The following PACRG variants were observed in gnomAD, a reference collection of about 807,000 sequenced individuals.
The protein encoded by PACRG is parkin coregulated, also known as parkin coregulated gene protein.
Under a neutral mutation model 29.7 loss-of-function variants are expected in PACRG, and 29 were observed. The ratio of observed to expected loss-of-function variants is 0.98; its 90% CI spans 0.73 to 1.33. The LOEUF is 1.33. Among genes scored for constraint, PACRG ranks in the 40% most tolerant of loss-of-function variants. The pLI is 0.00. For missense variants in PACRG, 279 were observed against 316.2 expected, an observed-to-expected ratio of 0.88 and a Z score of 0.89; for synonymous variants, 116 against 118.7, an observed-to-expected ratio of 0.98 and a Z score of 0.15.
At chr6:163,064,447 G>A (rs1176962130) in intron 3 of PACRG, among the ~76,000 whole-genome samples, 4 of 152,164 alleles carry the variant, frequency 2.6e-5, no homozygotes, top group Admixed American at 6.5e-5. Context: ...ATGATTTAGG[G>A]TTCCGGAAGC....
chr6:162,974,272 C>A (rs952100167), intron 2 of PACRG, among the ~76,000 whole-genome samples: 1 of 152,108 alleles, frequency 6.6e-6, no homozygotes, highest in Non-Finnish European at 1.5e-5. Context: ...TAATAGCAAG[C>A]CATTTTCATT....
chr6:163,239,550 T>C (rs1483011744), intron 4 of PACRG, among the ~76,000 whole-genome samples: 1 of 151,928 alleles, frequency 6.6e-6, no homozygotes. Context: ...CTGCTACAAC[T>C]CAATCTCTCC....
chr6:162,864,827 T>C (rs1336388770), intron 2 of PACRG, among the ~76,000 whole-genome samples: 1 of 152,218 alleles, frequency 6.6e-6, no homozygotes, highest in East Asian at 1.9e-4. Context: ...ACTGACTACA[T>C]GTACTAGACG....
At chr6:162,920,933 A>C in intron 2 of PACRG, among the ~76,000 whole-genome samples, 1 of 152,256 alleles carries the variant, frequency 6.6e-6, no homozygotes, top group Non-Finnish European at 1.5e-5. Flanking sequence ...TTCATATTAT[A>C]TCTGCCTAAG....
At position 163,309,234 on chromosome 6, in the gene PACRG, A is replaced by G. The variant is rs73784594; in HGVS notation, c.614-5593A>G. Among the ~76,000 whole-genome samples the G allele has an allele frequency of 9.4e-3, 1,428 of 152,356 alleles. 22 individuals are homozygous for G. Among genetic ancestry groups the G allele is most frequent in the African/African-American group, 0.032 (1,329 of 41,592 alleles). ...GCAAATGCTCCACATGCCAACGGCC[A>G]GAGCACAGCCCTAGACCGATGGCGG... On this transcript the variant is annotated intron_variant, in intron 4 of 4. Transcript: ENST00000366888.
chr6:162,791,784 T>C (rs1222649629), intron 1 of PACRG, among the ~76,000 whole-genome samples: 4 of 152,114 alleles, frequency 2.6e-5, no homozygotes, highest in African/African-American at 9.7e-5. Context: ...GAAGGTAATG[T>C]GTAGTTTTAA....
At chr6:162,864,128 TA>T (rs1213958778) in intron 2 of PACRG, among the ~76,000 whole-genome samples, 2 of 152,194 alleles carry the variant, frequency 1.3e-5, no homozygotes, top group Non-Finnish European at 2.9e-5. Flanking sequence ...ATTATCTTTT[TA>T]AGCTCTTCCT....
At chr6:162,792,491 C>T (rs1436873869) in intron 1 of PACRG, among the ~76,000 whole-genome samples, 1 of 152,096 alleles carries the variant, frequency 6.6e-6, no homozygotes, top group African/African-American at 2.4e-5. Context: ...ACCTGGCTGG[C>T]CAGGATGCAG....
chr6:163,147,842 C>T (rs1777863399), intron 4 of PACRG, among the ~76,000 whole-genome samples: 1 of 152,142 alleles, frequency 6.6e-6, no homozygotes, highest in South Asian at 2.1e-4. Context: ...AGATGCTACC[C>T]CCTTAGCAAT....
chr6:163,243,342 T>G (rs1234104270), intron 4 of PACRG, among the ~76,000 whole-genome samples: 1 of 152,206 alleles, frequency 6.6e-6, no homozygotes, highest in Non-Finnish European at 1.5e-5. Flanking sequence ...AGTTATGCCT[T>G]CAGTAGAAAT....
At chr6:163,225,703 T>G (rs760043820) in intron 4 of PACRG, among the ~76,000 whole-genome samples, 1 of 152,230 alleles carries the variant, frequency 6.6e-6, no homozygotes, top group Non-Finnish European at 1.5e-5. Flanking sequence ...CAATCCCACT[T>G]CTGGGTATAT....
At chr6:163,100,925 A>G in intron 4 of PACRG, 1 of 984,996 alleles carries the variant, frequency 1.0e-6, no homozygotes. Context: ...TAATGTTCCA[A>G]GTAATAAAGA....
chr6:163,165,062 A>G (rs1778734916), intron 4 of PACRG, among the ~76,000 whole-genome samples: 1 of 152,222 alleles, frequency 6.6e-6, no homozygotes, highest in African/African-American at 2.4e-5. Flanking sequence ...GGTTTAAAAA[A>G]AAATACTAAC....
chr6:162,729,091 G>T (rs1337749024), intron 1 of PACRG, among the ~76,000 whole-genome samples: 1 of 152,010 alleles, frequency 6.6e-6, no homozygotes, highest in African/African-American at 2.4e-5. Context: ...TATCATTAGA[G>T]AAAAAAGATT....
Position 162,777,493 on chromosome 6 carries a change from T to G in PACRG, c.157-36654T>G, listed in dbSNP as rs1428011486. Among the ~76,000 whole-genome samples the G allele has an allele frequency of 6.6e-6, 1 of 152,222 alleles. No homozygotes were observed. The highest frequency in any genetic ancestry group is 1.5e-5 in the Non-Finnish European group (1 of 68,036). ...GACCAGGCCATGCTACCCTGTCCTT[T>G]CAGGGCTTACAGAGACTTTGGTGAG... On this transcript the variant is annotated intron_variant, in intron 1 of 4. Coordinates refer to ENST00000366888, the MANE Select transcript of PACRG (RefSeq NM_001080379.2). The surrounding 1 kb of genome is among the most constrained non-coding windows in gnomAD (Gnocchi z 4.0).
chr6:162,970,557 C>T (rs1801444165), intron 2 of PACRG, among the ~76,000 whole-genome samples: 3 of 152,174 alleles, frequency 2.0e-5, no homozygotes, highest in Admixed American at 2.0e-4. Context: ...CCACTTTCAC[C>T]CTTCCTCACC....
intron 2 of PACRG, among the ~76,000 whole-genome samples, chr6:163,030,891 C>G (rs537163797): frequency 6.6e-6 from 1 of 152,294 alleles, no homozygotes; most frequent in South Asian, 2.1e-4. Context: ...TTTACTGCAA[C>G]CTGTTTTATC....
intron 2 of PACRG, among the ~76,000 whole-genome samples, chr6:162,969,409 A>G (rs190102579): frequency 6.6e-6 from 1 of 151,524 alleles, no homozygotes; most frequent in African/African-American, 2.4e-5. Context: ...GTCCATTGCT[A>G]CCCCATCATC....
intron 2 of PACRG, among the ~76,000 whole-genome samples, chr6:162,940,536 A>C (rs1485501241): frequency 6.6e-6 from 1 of 152,152 alleles, no homozygotes; most frequent in African/African-American, 2.4e-5. Context: ...ATTTGAGTCC[A>C]GAATAAAGCA....
Sources: gnomAD v4.1 joint callset for allele counts (sites outside exome capture counted in the v4.1 genomes callset) on GRCh38, gnomAD v4.1.1 for gene constraint, Gnocchi (gnomAD v3.1) non-coding constraint, MANE v1.5 for transcripts, NCBI Gene and HGNC (gene_info 2026-07-23, HGNC 2026-07-21) for gene names.